Variants in GLYR1 observed in about 807,000 individuals in gnomAD.
GLYR1 encodes the protein cytokine-like nuclear factor N-PAC.
In GLYR1, 21 loss-of-function variants were observed where a neutral mutation model predicts 72.7. The observed-to-expected ratio is 0.29, with a 90% CI of 0.20 to 0.42. The LOEUF is 0.42. GLYR1 is among the 10% of genes least tolerant of loss of function. The pLI, the probability that GLYR1 is intolerant of heterozygous loss-of-function variation, is 1.00. For missense variants in GLYR1, 594 were observed against 712.1 expected, an observed-to-expected ratio of 0.83 and a Z score of 1.89; for synonymous variants, 392 against 270.2, an observed-to-expected ratio of 1.45 and a Z score of -4.42.
At chr16:4,813,922 C>T (rs1448342282) in intron 11 of GLYR1, 84 bp from the exon 12 acceptor site, 3 of 1,059,428 alleles carry the variant, frequency 2.8e-6, no homozygotes, top group Non-Finnish European at 4.0e-6. Context: ...CAGAATCCTG[C>T]TGCTGTTTTG....
At position 4,812,127 on chromosome 16, in the gene GLYR1, C is replaced by T; in HGVS notation, c.1241G>A (p.Ser414Asn). The T allele has an allele frequency of 6.2e-7, 1 of 1,614,206 alleles. No individual in the cohort carries two copies. Among genetic ancestry groups the T allele is most frequent in the Non-Finnish European group, 8.5e-7 (1 of 1,180,040 alleles). The change falls in exon 13 of 16, where the codon AGC (serine) becomes AAC (asparagine). Residue 414 changes from serine to asparagine, a missense_variant. This residue lies in a region of GLYR1 where 266 missense variants were observed against 358.4 expected (regional missense o/e 0.74). Transcript: ENST00000321919. The part of the protein sequence containing the change: ...AGDRGLYEDC[S>N]SCFQAMGKTS... ...CTTCCCCATCGCCTGGAAGCAGCTGCTGCAGTCCTCATATAAGCCCCTGTC... is the reference window on the plus strand; with the variant it reads ...CTTCCCCATCGCCTGGAAGCAGCTGTTGCAGTCCTCATATAAGCCCCTGTC...
intron 15 of GLYR1, among the ~76,000 whole-genome samples, chr16:4,806,521 C>T (rs545498047): frequency 6.6e-6 from 1 of 151,642 alleles, no homozygotes; most frequent in Non-Finnish European, 1.5e-5. Flanking sequence ...CTCGCCACCA[C>T]GCCCAGCTAG....
intron 3 of GLYR1, among the ~76,000 whole-genome samples, chr16:4,838,384 G>C (rs2085302320): frequency 1.3e-5 from 2 of 152,252 alleles, no homozygotes; most frequent in African/African-American, 2.4e-5. Context: ...GAACCAGAAA[G>C]ATGACCCTGT....
chr16:4,845,530 T>C (rs554315429), intron 2 of GLYR1, among the ~76,000 whole-genome samples: 1 of 148,728 alleles, frequency 6.7e-6, no homozygotes, highest in Non-Finnish European at 1.5e-5. Flanking sequence ...CCATTATTAC[T>C]GAAAAAATGC....
intron 6 of GLYR1, 134 bp from the exon 7 acceptor site, chr16:4,823,065 T>G: frequency 1.3e-6 from 1 of 774,734 alleles, no homozygotes; most frequent in East Asian, 2.5e-5. Flanking sequence ...GTCTGGAAAC[T>G]CTTTTCCCAT....
In GLYR1 at chr16:4,836,594, A is replaced by G. The variant is rs761870086; in HGVS notation, c.156-3682T>C. Among the ~76,000 whole-genome samples, 4 of 152,312 alleles carry G rather than the reference A, an allele frequency of 2.6e-5. 1 individual carries two copies. Among genetic ancestry groups the G allele is most frequent in the African/African-American group, 4.8e-5 (2 of 41,574 alleles). On this transcript the variant is annotated intron_variant, in intron 3 of 15. Coordinates refer to ENST00000321919, the MANE Select transcript of GLYR1 (RefSeq NM_032569.4). ...AGAAGGAAAGCGGATGTCTCGTAAG[A>G]TATCTGGCTACGTGGAGATGAGCAA...
intron 7 of GLYR1, 101 bp from the exon 8 acceptor site, chr16:4,821,698 T>G (rs1596339865): frequency 1.8e-6 from 2 of 1,081,732 alleles, no homozygotes; most frequent in East Asian, 4.8e-5. Context: ...GAAGTTAACA[T>G]CAACTATTTG....
intron 3 of GLYR1, among the ~76,000 whole-genome samples, chr16:4,834,832 G>C (rs994245195): frequency 6.6e-6 from 1 of 152,146 alleles, no homozygotes; most frequent in Non-Finnish European, 1.5e-5. Flanking sequence ...AATCTGCTGG[G>C]AGGAAAAGTG....
In GLYR1 at chr16:4,845,178, G is replaced by A. The variant is rs542928898; in HGVS notation, c.76-25C>T. 56 of 1,587,422 alleles carry A rather than the reference G, an allele frequency of 3.5e-5. 1 individual carries two copies. The South Asian group carries it at 6.0e-4, about 17-fold the overall frequency. ...TCTGGAGGATAAAAGGGGGGAAAAA[G>A]GTTGGCTGGCAACACAGCAGCCCAC... On this transcript the variant is annotated intron_variant, in intron 2 of 15. Coordinates refer to ENST00000321919, the MANE Select transcript of GLYR1 (RefSeq NM_032569.4).
At chr16:4,840,437 A>G (rs958910250) in intron 3 of GLYR1, 1 of 152,208 alleles carries the variant, frequency 6.6e-6, no homozygotes, top group African/African-American at 2.4e-5. Context: ...GGAATGATGC[A>G]TGGTTTTGTA....
chr16:4,805,222 G>C lies in GLYR1; in HGVS notation c.*14C>G, dbSNP rs760023609. ...GAGGGGGGATTGGAGGGGTGAGGGC[G>C]GGGTGTCGACAGCTTAGTGTATGTA... On this transcript the variant is annotated 3_prime_UTR_variant, in exon 16 of 16. Transcript: ENST00000321919. 7.1e-5 allele frequency: 115 copies of C among 1,612,328 alleles called. No homozygotes were observed. The highest frequency in any genetic ancestry group is 9.5e-5 in the Non-Finnish European group (112 of 1,178,802).
intron 3 of GLYR1, 44 bp from the exon 4 acceptor site, chr16:4,832,956 A>T (rs775524274): frequency 1.3e-6 from 2 of 1,554,984 alleles, no homozygotes; most frequent in South Asian, 1.2e-5. Context: ...CATATAGCAT[A>T]TGCCCTAAAG....
chr16:4,831,693 T>C (rs1045391455), intron 5 of GLYR1, among the ~76,000 whole-genome samples: 2 of 152,198 alleles, frequency 1.3e-5, no homozygotes, highest in African/African-American at 4.8e-5. Context: ...TTAAATAAGA[T>C]TCGGGGTCTC....
rs1201286004 is a variant in GLYR1 at position 4,811,612 on chromosome 16, AAAC to A, written c.1462+8_1462+10del. The A allele has an allele frequency of 6.2e-7, 1 of 1,613,204 alleles. No homozygotes were observed. Among genetic ancestry groups the A allele is most frequent in the Non-Finnish European group, 8.5e-7 (1 of 1,180,010 alleles). Reference sequence around the variant, plus strand: ...CACCAAATGCAAGAAGAGGGGCCAAAAACAACTCACTTTGGCACTTCTGGTCCA... The same window carrying A: ...CACCAAATGCAAGAAGAGGGGCCAAAAACTCACTTTGGCACTTCTGGTCCA... On this transcript the variant is annotated splice_region_variant and intron_variant, in intron 14 of 15. Coordinates refer to ENST00000321919, the MANE Select transcript of GLYR1 (RefSeq NM_032569.4).
chr16:4,812,438 C>G (rs573597886), intron 12 of GLYR1, among the ~76,000 whole-genome samples, 190 bp from the exon 13 acceptor site: 1 of 152,046 alleles, frequency 6.6e-6, no homozygotes, highest in African/African-American at 2.4e-5. Context: ...TCACACAGGC[C>G]GAATCACAGC....
rs1039835578 is a variant in GLYR1 at position 4,817,724 on chromosome 16, C to T, written c.807-27G>A. ...TGAAACAGAGAGAGACTGATGAGTT[C>T]AGGGTGGAAAGGGAGGGTCACGGTG... On this transcript the variant is annotated intron_variant, in intron 9 of 15. Coordinates refer to ENST00000321919, the MANE Select transcript of GLYR1 (RefSeq NM_032569.4). The T allele has an allele frequency of 4.9e-6, 7 of 1,424,620 alleles. No homozygotes were observed. In the African/African-American group the frequency reaches 8.4e-5, roughly 17 times the overall value. 88.2% of individuals were successfully genotyped at this position (1,424,620 alleles called of 1,614,324 possible).
In GLYR1 at chr16:4,805,013, A is replaced by G; in HGVS notation, c.*223T>C. ...GTCCGGGGGGCCAGTGCCCAGCTCA[A>G]GAGCTTTCCCACACGCCAATCCTGC... On this transcript the variant is annotated 3_prime_UTR_variant, in exon 16 of 16. Transcript: ENST00000321919. 1 of 581,876 alleles carries G rather than the reference A, an allele frequency of 1.7e-6. No homozygotes were observed. The highest frequency in any genetic ancestry group is 2.0e-5 in the South Asian group (1 of 50,834). The allele number at this position is 581,876 out of a possible 1,614,324, so 36.0% of individuals were successfully genotyped here.
intron 15 of GLYR1, among the ~76,000 whole-genome samples, chr16:4,806,235 T>C (rs764484433): frequency 1.2e-4 from 18 of 152,154 alleles, no homozygotes; most frequent in African/African-American, 4.3e-4. Flanking sequence ...CCACACAGAA[T>C]GGCAGCAGTG....
intron 10 of GLYR1, 97 bp from the exon 11 acceptor site, chr16:4,814,744 A>G: frequency 2.0e-6 from 2 of 990,926 alleles, no homozygotes; most frequent in African/African-American, 1.6e-5. Context: ...CTGGCGGCCT[A>G]CCAAGGCAGG....
Sources: gnomAD v4.1 joint callset for allele counts (sites outside exome capture counted in the v4.1 genomes callset) on GRCh38, gnomAD v4.1.1 for gene constraint, gnomAD v4.1.1 regional missense constraint, MANE v1.5 for transcripts, NCBI Gene and HGNC (gene_info 2026-07-23, HGNC 2026-07-21) for gene names.